Variants in DIAPH2 observed in about 807,000 individuals in gnomAD.
DIAPH2 encodes the protein protein diaphanous homolog 2.
Under a neutral mutation model 92.7 loss-of-function variants are expected in DIAPH2, and 35 were observed. The ratio of observed to expected loss-of-function variants is 0.38; its 90% CI spans 0.29 to 0.50. The LOEUF (loss-of-function observed/expected upper bound fraction) is 0.50, where lower values mean the gene tolerates loss of function less well. DIAPH2 is among the 20% of genes least tolerant of loss of function. DIAPH2 has a pLI of 0.94. For synonymous variants in DIAPH2, 301 were observed against 280.4 expected (o/e 1.07, Z -0.73); for missense variants, 701 against 819.5 (o/e 0.86, Z 1.77).
At chrX:97,100,902 G>A (rs1296032995) in intron 20 of DIAPH2, among the ~76,000 whole-genome samples, 1 of 111,662 alleles carries the variant, frequency 9.0e-6, no homozygotes, top group Non-Finnish European at 1.9e-5. Context: ...TTGAGACATG[G>A]CATTGACTGC....
chrX:96,730,732 G>A (rs1230232174), intron 1 of DIAPH2, among the ~76,000 whole-genome samples: 1 of 111,696 alleles, frequency 9.0e-6, no homozygotes, highest in Non-Finnish European at 1.9e-5. Flanking sequence ...AAGACAGCAT[G>A]CTTACCTTGT....
chrX:96,918,452 T>G (rs1046253678), intron 8 of DIAPH2, 57 bp from the exon 9 acceptor site: 1 of 746,197 alleles, frequency 1.3e-6, no homozygotes, highest in African/African-American at 2.2e-5. Flanking sequence ...GGACCGGTGC[T>G]CATAGTGTCT....
intron 26 of DIAPH2, chrX:97,449,571 A>G: frequency 2.4e-6 from 1 of 410,463 alleles, no homozygotes; most frequent in Non-Finnish European, 3.1e-6. Context: ...ATGGTCATTC[A>G]AAGGGAAGAT....
At chrX:97,437,232 C>G (rs780293744) in intron 26 of DIAPH2, among the ~76,000 whole-genome samples, 15 of 112,122 alleles carry the variant, frequency 1.3e-4, no homozygotes, top group African/African-American at 4.5e-4. Flanking sequence ...TTCTCAGTCT[C>G]TGTTTTATAA....
intron 19 of DIAPH2, among the ~76,000 whole-genome samples, chrX:97,075,521 T>C (rs2066699390): frequency 8.9e-6 from 1 of 111,963 alleles, no homozygotes; most frequent in African/African-American, 3.2e-5. Flanking sequence ...AGACATATCA[T>C]TGTCCATTAT....
At chrX:96,869,816 G>T (rs764383194) in intron 4 of DIAPH2, among the ~76,000 whole-genome samples, 13 of 110,720 alleles carry the variant, frequency 1.2e-4, no homozygotes, top group African/African-American at 3.9e-4. Context: ...CCTTATGTTT[G>T]ACCAGGATCC....
intron 4 of DIAPH2, among the ~76,000 whole-genome samples, chrX:96,793,418 C>T (rs1044793894): frequency 8.9e-6 from 1 of 112,928 alleles, no homozygotes; most frequent in Non-Finnish European, 1.9e-5. Flanking sequence ...ATCTGCCCAC[C>T]TCAGCCTCCC....
intron 19 of DIAPH2, among the ~76,000 whole-genome samples, chrX:97,093,614 T>C (rs1294555620): frequency 1.8e-5 from 2 of 112,163 alleles, no homozygotes; most frequent in African/African-American, 6.5e-5. Flanking sequence ...TAATTTTTAT[T>C]TTAGAGTACA....
chrX:97,586,272 C>T (rs1036458544), intron 26 of DIAPH2, among the ~76,000 whole-genome samples: 16 of 110,658 alleles, frequency 1.4e-4, no homozygotes, highest in African/African-American at 4.7e-4. Flanking sequence ...GCACCTTTTT[C>T]TCCTATATAT....
intron 17 of DIAPH2, among the ~76,000 whole-genome samples, chrX:97,043,124 G>A (rs189999405): frequency 3.6e-5 from 4 of 111,608 alleles, no homozygotes; most frequent in Admixed American, 9.5e-5. Flanking sequence ...TTTCCCTATT[G>A]GTAGTTTATC....
At chrX:96,812,067 A>G (rs956610347) in intron 4 of DIAPH2, among the ~76,000 whole-genome samples, 10 of 111,478 alleles carry the variant, frequency 9.0e-5, no homozygotes, top group South Asian at 3.8e-4. Context: ...CTCTGTTTCT[A>G]TTGATTGGAA....
intron 26 of DIAPH2, among the ~76,000 whole-genome samples, chrX:97,442,525 G>T (rs773023264): frequency 8.9e-6 from 1 of 112,399 alleles, no homozygotes; most frequent in Non-Finnish European, 1.9e-5. Flanking sequence ...ATTCTAATTG[G>T]TGGCCTTGAT....
At chrX:97,370,957 A>G (rs765837062) in intron 24 of DIAPH2, among the ~76,000 whole-genome samples, 2 of 112,032 alleles carry the variant, frequency 1.8e-5, no homozygotes, top group African/African-American at 6.5e-5. Flanking sequence ...CCAATCTTCT[A>G]ACTTTACAGT....
At chrX:97,455,920 T>C (rs765719604) in intron 26 of DIAPH2, among the ~76,000 whole-genome samples, 2 of 111,929 alleles carry the variant, frequency 1.8e-5, no homozygotes, top group Non-Finnish European at 3.8e-5. Context: ...TTTTAGTAAA[T>C]GACCATCTTT....
intron 4 of DIAPH2, among the ~76,000 whole-genome samples, chrX:96,840,386 T>C (rs940334654): frequency 2.7e-5 from 3 of 111,304 alleles, no homozygotes; most frequent in Non-Finnish European, 5.7e-5. Context: ...TTTTGGAGAG[T>C]AAATGCATTC....
rs182228019 is a variant in DIAPH2, at chrX:96,736,164, G to A, written c.165+374G>A. 9.0e-5 allele frequency among the ~76,000 whole-genome samples: 10 copies of A among 111,510 alleles called. No individual in the cohort carries two copies. In the East Asian group the frequency reaches 2.5e-3, roughly 28 times the overall value. The stretch of plus-strand genomic sequence containing the variant: ...AGAAAGGAAATTAAGTTCACTGTTA[G>A]TCAGATGTGTGCTACTAAATTTAAA... On this transcript the variant is annotated intron_variant, in intron 2 of 26. Transcript: ENST00000324765.
intron 26 of DIAPH2, among the ~76,000 whole-genome samples, chrX:97,456,845 T>G (rs986844494): frequency 8.9e-6 from 1 of 111,908 alleles, no homozygotes; most frequent in African/African-American, 3.2e-5. Flanking sequence ...TCAGACATTA[T>G]GTTTTTTTCA....
At chrX:96,924,455 C>T (rs752616772) in intron 9 of DIAPH2, among the ~76,000 whole-genome samples, 6 of 110,954 alleles carry the variant, frequency 5.4e-5, no homozygotes, top group Non-Finnish European at 1.1e-4. Flanking sequence ...TAGAGGGTTG[C>T]CAGTGACCTC....
intron 5 of DIAPH2, chrX:96,884,300 C>T (rs1212663336): frequency 3.3e-6 from 4 of 1,199,184 alleles, no homozygotes; most frequent in Non-Finnish European, 4.5e-6. Flanking sequence ...TCAGCCTGAG[C>T]TGTCTTGAAG....
Sources: gnomAD v4.1 joint callset for allele counts (sites outside exome capture counted in the v4.1 genomes callset) on GRCh38, gnomAD v4.1.1 for gene constraint, MANE v1.5 for transcripts, NCBI Gene and HGNC (gene_info 2026-07-23, HGNC 2026-07-21) for gene names.